The following TTC29 variants were observed in gnomAD, a reference collection of about 807,000 sequenced individuals.
TTC29 encodes tetratricopeptide repeat domain 29, also known as tetratricopeptide repeat protein 29.
A neutral mutation model predicts 58.1 loss-of-function variants in TTC29; 49 were observed. The observed-to-expected ratio is 0.84, with a 90% CI of 0.67 to 1.07. The LOEUF is 1.07. TTC29 is among the 50% of genes least tolerant of loss of function. TTC29 has a pLI of 0.00. For missense variants in TTC29, 582 were observed against 555.6 expected (o/e 1.05, Z -0.48); for synonymous variants, 209 against 196.8 (o/e 1.06, Z -0.52).
At chr4:146,892,572 G>C (rs921059322) in intron 6 of TTC29, among the ~76,000 whole-genome samples, 1 of 152,118 alleles carries the variant, frequency 6.6e-6, no homozygotes, top group Non-Finnish European at 1.5e-5. Context: ...CCCACAGCCA[G>C]TATCATACTG....
At chr4:146,724,604 C>T (rs546251920) in intron 11 of TTC29, among the ~76,000 whole-genome samples, 1 of 152,112 alleles carries the variant, frequency 6.6e-6, no homozygotes, top group East Asian at 1.9e-4. Context: ...ACCTCTGCCT[C>T]CTGAGTTCAA....
chr4:146,759,191 C>T (rs1274354636), intron 11 of TTC29, among the ~76,000 whole-genome samples: 1 of 152,044 alleles, frequency 6.6e-6, no homozygotes, highest in Non-Finnish European at 1.5e-5. Flanking sequence ...TTCAAGGCTA[C>T]TATGAACACC....
At chr4:146,822,176 T>C (rs892411318) in intron 9 of TTC29, among the ~76,000 whole-genome samples, 1 of 151,326 alleles carries the variant, frequency 6.6e-6, no homozygotes, top group East Asian at 1.9e-4. Context: ...TACATAGATC[T>C]ACCTGGGCCA....
chr4:146,846,410 C>G (rs4835351), intron 8 of TTC29, among the ~76,000 whole-genome samples: 1 of 152,080 alleles, frequency 6.6e-6, no homozygotes. Flanking sequence ...GTATTTGGAA[C>G]GATTCTTCTT....
chr4:146,856,893 C>T (rs1342309474), intron 8 of TTC29, among the ~76,000 whole-genome samples: 3 of 151,692 alleles, frequency 2.0e-5, no homozygotes, highest in Admixed American at 1.3e-4. Flanking sequence ...AAGGACACAA[C>T]TTTAAATATT....
intron 9 of TTC29, among the ~76,000 whole-genome samples, chr4:146,822,570 G>C (rs1249421021): frequency 2.0e-5 from 3 of 152,134 alleles, no homozygotes; most frequent in Non-Finnish European, 4.4e-5. Context: ...CTTTATAGTA[G>C]AATGATGTAG....
At chr4:146,736,954 C>G (rs867250104) in intron 11 of TTC29, among the ~76,000 whole-genome samples, 1 of 152,172 alleles carries the variant, frequency 6.6e-6, no homozygotes, top group Non-Finnish European at 1.5e-5. Context: ...GCACTATGAA[C>G]AGCTCTCAAC....
At chr4:146,866,229 C>G (rs1300274935) in intron 8 of TTC29, among the ~76,000 whole-genome samples, 10 of 152,172 alleles carry the variant, frequency 6.6e-5, no homozygotes, top group Non-Finnish European at 1.5e-5. Flanking sequence ...GAAAGAATAT[C>G]TATGAGCTAG....
intron 6 of TTC29, among the ~76,000 whole-genome samples, chr4:146,902,037 T>G (rs1476268878): frequency 3.9e-5 from 6 of 152,224 alleles, no homozygotes; most frequent in African/African-American, 1.4e-4. Context: ...CTAATTCCCT[T>G]TTCTGGGATA....
intron 11 of TTC29, among the ~76,000 whole-genome samples, chr4:146,800,477 C>A (rs1028394475): frequency 2.0e-5 from 3 of 152,064 alleles, no homozygotes; most frequent in African/African-American, 4.8e-5. Context: ...ATTAAAGATG[C>A]CTTTTCTTAG....
chr4:146,815,047 G>A (rs1283741910), intron 10 of TTC29, among the ~76,000 whole-genome samples: 2 of 152,154 alleles, frequency 1.3e-5, no homozygotes, highest in East Asian at 3.9e-4. Flanking sequence ...AGGGATTTAT[G>A]TTTATGTTCT....
At position 146,856,467 on chromosome 4, in the gene TTC29, C is replaced by T. The variant is rs950352256; in HGVS notation, c.885+11031G>A. 2.6e-5 allele frequency among the ~76,000 whole-genome samples: 4 copies of T among 151,882 alleles called. No homozygotes were observed. The East Asian group carries it at 7.7e-4, about 29-fold the overall frequency. On this transcript the variant is annotated intron_variant, in intron 8 of 12. Transcript: ENST00000325106. ...TTAGGCCACAAACTTTCTTTCCTGA[C>T]ATAAAACATTTCTTTATTTGTAGGA... is the stretch of plus-strand genomic sequence containing the variant.
At chr4:146,932,330 C>A (rs2150319976) in intron 4 of TTC29, among the ~76,000 whole-genome samples, 1 of 152,288 alleles carries the variant, frequency 6.6e-6, no homozygotes, top group Admixed American at 6.5e-5. Flanking sequence ...TGCTTGGCAA[C>A]TGACTTCTTC....
intron 5 of TTC29, among the ~76,000 whole-genome samples, chr4:146,906,536 A>C (rs1733532545): frequency 6.6e-6 from 1 of 152,208 alleles, no homozygotes; most frequent in South Asian, 2.1e-4. Context: ...TTACATACAC[A>C]TTTTAAGATT....
intron 10 of TTC29, among the ~76,000 whole-genome samples, chr4:146,809,515 G>A (rs1298893478): frequency 3.4e-5 from 5 of 148,552 alleles, no homozygotes; most frequent in Admixed American, 2.1e-4. Context: ...ATCCAGAATC[G>A]ACAAAGGGCT....
chr4:146,906,803 A>G (rs886736685), intron 5 of TTC29, among the ~76,000 whole-genome samples: 3 of 152,202 alleles, frequency 2.0e-5, no homozygotes, highest in Non-Finnish European at 4.4e-5. Context: ...AGATAATCCT[A>G]CAGAAGAGAC....
intron 9 of TTC29, among the ~76,000 whole-genome samples, 154 bp downstream of exon 9, chr4:146,833,652 G>A (rs1728314631): frequency 6.6e-6 from 1 of 152,206 alleles, no homozygotes; most frequent in African/African-American, 2.4e-5. Flanking sequence ...TACCAAACTG[G>A]TTTAAAATAA....
At chr4:146,894,688 AAAATAAAT>A (rs34060136) in intron 6 of TTC29, among the ~76,000 whole-genome samples, 1 of 150,164 alleles carries the variant, frequency 6.7e-6, no homozygotes, top group Non-Finnish European at 1.5e-5. Context: ...AATAAAAAAT[AAAATAAAT>A]AAATAAATAA....
intron 6 of TTC29, among the ~76,000 whole-genome samples, chr4:146,878,513 G>A (rs1458513267): frequency 6.6e-6 from 1 of 152,110 alleles, no homozygotes; most frequent in African/African-American, 2.4e-5. Context: ...AAGTTTACAT[G>A]ACTCAAATAT....
Sources: allele counts gnomAD v4.1 joint callset (sites outside exome capture counted in the v4.1 genomes callset), GRCh38; gene constraint gnomAD v4.1.1; transcripts MANE v1.5; gene names NCBI Gene and HGNC (gene_info 2026-07-23, HGNC 2026-07-21).